The following PTGES3 variants were observed in gnomAD, a reference collection of about 807,000 sequenced individuals.
The protein encoded by PTGES3 is Hsp90 co-chaperone.
A neutral mutation model predicts 29.9 loss-of-function variants in PTGES3; 5 were observed. That is an observed-to-expected ratio of 0.17 (90% CI 0.09 to 0.35). The LOEUF is 0.35. PTGES3 is among the 10% of genes least tolerant of loss of function. The pLI is 1.00. For missense variants in PTGES3, 128 were observed against 190.0 expected (o/e 0.67, Z 1.92); for synonymous variants, 49 against 57.8 (o/e 0.85, Z 0.69).
chr12:56,677,653 CATTATT>C lies in PTGES3; in HGVS notation c.3-4594_3-4589del, dbSNP rs575195103. ...TTCTATCATCTCACTCCTTGTTCCCCATTATTATTATTATTTTTTTTTGGTGGGGTG... is the reference window on the plus strand; with the variant it reads ...TTCTATCATCTCACTCCTTGTTCCCCATTATTATTTTTTTTTGGTGGGGTG... On this transcript the variant is annotated intron_variant, in intron 1 of 7. Transcript: ENST00000262033. 5.6e-3 allele frequency among the ~76,000 whole-genome samples: 851 copies of C among 151,902 alleles called. 6 individuals are homozygous for C. Among genetic ancestry groups the C allele is most frequent in the African/African-American group, 0.012 (484 of 41,440 alleles).
At chr12:56,684,245 C>G (rs1457861718) in intron 1 of PTGES3, among the ~76,000 whole-genome samples, 4 of 151,774 alleles carry the variant, frequency 2.6e-5, no homozygotes, top group African/African-American at 7.3e-5. Flanking sequence ...TCCAATTAGT[C>G]AGGAGAATCT....
intron 6 of PTGES3, chr12:56,665,768 G>A: frequency 1.5e-6 from 1 of 685,392 alleles, no homozygotes. Flanking sequence ...CAGCTCACCA[G>A]TAGCTGGGAT....
At chr12:56,687,147 C>G (rs1019917822) in intron 1 of PTGES3, 10 of 915,560 alleles carry the variant, frequency 1.1e-5, no homozygotes, top group Non-Finnish European at 1.2e-5. Flanking sequence ...AATCTGTATT[C>G]ACCTCCACAC....
At chr12:56,687,902 C>T in intron 1 of PTGES3, 96 bp downstream of exon 1, 4 of 1,596,736 alleles carry the variant, frequency 2.5e-6, no homozygotes, top group Non-Finnish European at 3.4e-6. Flanking sequence ...ACTGCCACCA[C>T]CGATGCGAGA....
chr12:56,680,727 T>A (rs889012090), intron 1 of PTGES3, among the ~76,000 whole-genome samples: 6 of 151,972 alleles, frequency 3.9e-5, no homozygotes, highest in African/African-American at 1.4e-4. Flanking sequence ...TTATTCCTGA[T>A]TCAGGATAAG....
At chr12:56,675,031 C>T (rs1416924067) in intron 1 of PTGES3, among the ~76,000 whole-genome samples, 1 of 75,020 alleles carries the variant, frequency 1.3e-5, no homozygotes, top group Non-Finnish European at 2.9e-5. Context: ...AAAAAAAGTG[C>T]TGGTTCACAC....
At chr12:56,676,417 GACA>G (rs1462618749) in intron 1 of PTGES3, among the ~76,000 whole-genome samples, 2 of 151,982 alleles carry the variant, frequency 1.3e-5, no homozygotes, top group Non-Finnish European at 2.9e-5. Context: ...CTGCATACTT[GACA>G]ACATGATAAT....
chr12:56,682,174 G>A (rs116888981), intron 1 of PTGES3, among the ~76,000 whole-genome samples: 1 of 152,090 alleles, frequency 6.6e-6, no homozygotes, highest in South Asian at 2.1e-4. Flanking sequence ...ATGAAGTGTG[G>A]CTTCATGTGA....
intron 4 of PTGES3, 95 bp from the exon 5 acceptor site, chr12:56,670,459 G>T: frequency 1.2e-6 from 1 of 855,316 alleles, no homozygotes; most frequent in Middle Eastern, 2.3e-4. Context: ...AAGAGACCAG[G>T]TCTTGCTATG....
At chr12:56,678,233 A>C (rs1168653836) in intron 1 of PTGES3, among the ~76,000 whole-genome samples, 3 of 152,116 alleles carry the variant, frequency 2.0e-5, no homozygotes, top group African/African-American at 7.2e-5. Flanking sequence ...GTTGGAGTGC[A>C]GTGGCGTGAT....
chr12:56,671,015 G>A (rs180707778), intron 4 of PTGES3, among the ~76,000 whole-genome samples: 2 of 152,218 alleles, frequency 1.3e-5, no homozygotes, highest in Admixed American at 1.3e-4. Flanking sequence ...GAGGTGAGGT[G>A]GGTGGGAGGA....
intron 1 of PTGES3, among the ~76,000 whole-genome samples, chr12:56,681,467 G>C (rs1251272301): frequency 6.7e-6 from 1 of 150,164 alleles, no homozygotes; most frequent in Non-Finnish European, 1.5e-5. Context: ...GAACCCGGGA[G>C]GCGGAGCCTG....
chr12:56,681,060 C>A (rs547952328), intron 1 of PTGES3, among the ~76,000 whole-genome samples: 3 of 152,084 alleles, frequency 2.0e-5, no homozygotes, highest in Non-Finnish European at 4.4e-5. Context: ...GTGTGAGTCA[C>A]CATACCTGGT....
intron 5 of PTGES3, among the ~76,000 whole-genome samples, chr12:56,667,500 C>G (rs1951833863): frequency 6.6e-6 from 1 of 152,142 alleles, no homozygotes; most frequent in African/African-American, 2.4e-5. Flanking sequence ...AGAAAAAAAT[C>G]TGCCTTATGT....
chr12:56,677,756 G>C (rs1039039284), intron 1 of PTGES3, among the ~76,000 whole-genome samples: 1 of 151,864 alleles, frequency 6.6e-6, no homozygotes, highest in East Asian at 1.9e-4. Context: ...TTAATGGAGG[G>C]GTTTGCAGTA....
At chr12:56,679,408 CAAAAA>C (rs770485836) in intron 1 of PTGES3, among the ~76,000 whole-genome samples, 15 of 65,116 alleles carry the variant, frequency 2.3e-4, no homozygotes, top group African/African-American at 6.3e-4. Context: ...GACTCTGCCT[CAAAAA>C]AAAAAAAAAA....
chr12:56,678,000 T>C (rs1952344820), intron 1 of PTGES3, among the ~76,000 whole-genome samples: 2 of 152,180 alleles, frequency 1.3e-5, no homozygotes, highest in African/African-American at 4.8e-5. Flanking sequence ...ATCTCAAATA[T>C]CTTACGGTTT....
At chr12:56,667,951 T>C (rs1951849619) in intron 5 of PTGES3, among the ~76,000 whole-genome samples, 3 of 152,014 alleles carry the variant, frequency 2.0e-5, no homozygotes. Flanking sequence ...CCACTAAAAA[T>C]ACAAAAATTA....
chr12:56,671,327 A>C (rs1254881306), intron 4 of PTGES3, among the ~76,000 whole-genome samples: 3 of 152,174 alleles, frequency 2.0e-5, no homozygotes, highest in African/African-American at 4.8e-5. Context: ...GGAGCCTGGG[A>C]AACTGAGGCT....
Sources: gnomAD v4.1 joint callset for allele counts (sites outside exome capture counted in the v4.1 genomes callset) on GRCh38, gnomAD v4.1.1 for gene constraint, MANE v1.5 for transcripts, NCBI Gene and HGNC (gene_info 2026-07-23, HGNC 2026-07-21) for gene names.